The following FOXP1 variants were observed in gnomAD, a reference collection of about 807,000 sequenced individuals.
The protein encoded by FOXP1 is forkhead box protein P1.
Under a neutral mutation model 98.2 loss-of-function variants are expected in FOXP1, and 15 were observed. That is an observed-to-expected ratio of 0.15 (90% CI 0.10 to 0.24). The LOEUF (loss-of-function observed/expected upper bound fraction) is 0.24, where lower values mean the gene tolerates loss of function less well. FOXP1 is among the 10% of genes least tolerant of loss of function. The probability of loss-of-function intolerance (pLI) is 1.00; values close to 1 mark genes in which losing one functional copy is unlikely to be tolerated. For synonymous variants in FOXP1, 371 were observed against 314.5 expected (o/e 1.18, Z -1.90); for missense variants, 633 against 848.5 (o/e 0.75, Z 3.15).
At chr3:70,973,476 A>C (rs940098487) in intron 17 of FOXP1, among the ~76,000 whole-genome samples, 1 of 152,156 alleles carries the variant, frequency 6.6e-6, no homozygotes, top group South Asian at 2.1e-4. Flanking sequence ...TGAGACCCTT[A>C]ACATCGATAA....
chr3:71,499,107 G>A (rs57462727), intron 2 of FOXP1, among the ~76,000 whole-genome samples: 42,736 of 152,040 alleles, frequency 0.28, 6,400 homozygotes, highest in Non-Finnish European at 0.33. Flanking sequence ...CTAGAGGGCC[G>A]CTCTCTGTCC....
chr3:71,140,400 A>G (rs1002927098), intron 6 of FOXP1, among the ~76,000 whole-genome samples: 6 of 152,204 alleles, frequency 3.9e-5, no homozygotes, highest in Non-Finnish European at 8.8e-5. Flanking sequence ...GTGGCACTCA[A>G]GAAGTCTCAG....
chr3:71,002,434 G>T (rs894602494), intron 12 of FOXP1, among the ~76,000 whole-genome samples: 2 of 152,176 alleles, frequency 1.3e-5, no homozygotes, highest in African/African-American at 4.8e-5. Flanking sequence ...AATGACTATG[G>T]TGTATTCTGT....
At chr3:71,170,584 A>T (rs143779043) in intron 6 of FOXP1, among the ~76,000 whole-genome samples, 2 of 152,346 alleles carry the variant, frequency 1.3e-5, no homozygotes, top group Non-Finnish European at 2.9e-5. Context: ...GCTCGGATCC[A>T]GTCTTCATGG....
chr3:71,515,792 G>A (rs17662328), intron 2 of FOXP1, among the ~76,000 whole-genome samples: 48,244 of 151,964 alleles, frequency 0.32, 8,881 homozygotes, highest in Non-Finnish European at 0.42. Flanking sequence ...CTGCTACCAG[G>A]GTAGTGAGAC....
intron 3 of FOXP1, among the ~76,000 whole-genome samples, chr3:71,404,552 T>C (rs2082182933): frequency 6.6e-6 from 1 of 150,990 alleles, no homozygotes; most frequent in Non-Finnish European, 1.5e-5. Context: ...TTTCTAAAAA[T>C]GTTGTACAAA....
chr3:71,473,567 C>G (rs2089549308), intron 3 of FOXP1, among the ~76,000 whole-genome samples: 1 of 152,152 alleles, frequency 6.6e-6, no homozygotes, highest in Admixed American at 6.5e-5. Flanking sequence ...ACCTGTTCTA[C>G]AATGAAATGG....
chr3:71,376,633 C>A (rs1200169840), intron 3 of FOXP1, among the ~76,000 whole-genome samples: 4 of 152,152 alleles, frequency 2.6e-5, no homozygotes, highest in Non-Finnish European at 5.9e-5. Context: ...TTGCTTTGCC[C>A]CAAAAGGGGG....
chr3:71,317,358 G>A (rs1399155234), intron 4 of FOXP1, among the ~76,000 whole-genome samples: 1 of 152,150 alleles, frequency 6.6e-6, no homozygotes, highest in African/African-American at 2.4e-5. Context: ...CACATGGAAT[G>A]AATAAATACT....
intron 7 of FOXP1, among the ~76,000 whole-genome samples, chr3:71,057,909 TAAC>T (rs979337625): frequency 6.6e-6 from 1 of 152,186 alleles, no homozygotes; most frequent in Admixed American, 6.5e-5. Flanking sequence ...GTGTTAGCAC[TAAC>T]AACTGCTGCT....
intron 6 of FOXP1, among the ~76,000 whole-genome samples, chr3:71,191,156 C>T (rs2062956899): frequency 2.6e-5 from 4 of 152,186 alleles, no homozygotes; most frequent in African/African-American, 9.7e-5. Flanking sequence ...CTGCTCAGCA[C>T]TAGTTGTTGA....
chr3:71,365,566 A>G (rs917265417), intron 3 of FOXP1, among the ~76,000 whole-genome samples: 1 of 152,210 alleles, frequency 6.6e-6, no homozygotes, highest in Admixed American at 6.5e-5. Context: ...CTTTTTTAAA[A>G]AAGCAAAATA....
intron 3 of FOXP1, among the ~76,000 whole-genome samples, chr3:71,492,920 A>G (rs2107042314): frequency 6.6e-6 from 1 of 152,312 alleles, no homozygotes; most frequent in Non-Finnish European, 1.5e-5. Context: ...ATTATGATAC[A>G]AAAAAATTTC....
At chr3:71,412,505 G>A (rs1169762456) in intron 3 of FOXP1, among the ~76,000 whole-genome samples, 2 of 152,228 alleles carry the variant, frequency 1.3e-5, no homozygotes, top group Admixed American at 1.3e-4. Context: ...CCAGACTAGG[G>A]ACTAAAACAT....
chr3:71,108,490 G>T (rs1263940559), intron 7 of FOXP1, among the ~76,000 whole-genome samples: 1 of 152,312 alleles, frequency 6.6e-6, no homozygotes, highest in African/African-American at 2.4e-5. Context: ...CCTATGCTGG[G>T]CACAGTGGCT....
At chr3:71,336,339 A>G (rs2076678432) in intron 4 of FOXP1, among the ~76,000 whole-genome samples, 1 of 152,174 alleles carries the variant, frequency 6.6e-6, no homozygotes. Flanking sequence ...TACGTGTGCC[A>G]TGGTGGTTTG....
At chr3:71,517,197 A>AC (rs939903898) in intron 2 of FOXP1, among the ~76,000 whole-genome samples, 1 of 152,044 alleles carries the variant, frequency 6.6e-6, no homozygotes, top group Admixed American at 6.6e-5. Flanking sequence ...ATCTATCAAA[A>AC]AAAAAAATAC....
chr3:71,031,260 T>A (rs1160818211), intron 11 of FOXP1, among the ~76,000 whole-genome samples: 1 of 152,186 alleles, frequency 6.6e-6, no homozygotes, highest in East Asian at 1.9e-4. Flanking sequence ...AAGAGAGAGA[T>A]CGGCTTGCCA....
At chr3:71,164,333 GGGACTACA>G (rs1244093828) in intron 6 of FOXP1, among the ~76,000 whole-genome samples, 1 of 152,052 alleles carries the variant, frequency 6.6e-6, no homozygotes, top group Non-Finnish European at 1.5e-5. Context: ...CGGAGTAGCT[GGGACTACA>G]GGCGCCCGCC....
Sources: allele counts gnomAD v4.1 joint callset (sites outside exome capture counted in the v4.1 genomes callset), GRCh38; gene constraint gnomAD v4.1.1; transcripts MANE v1.5; gene names NCBI Gene and HGNC (gene_info 2026-07-23, HGNC 2026-07-21).